SLC22A25: variants seen among roughly 807,000 people sequenced by gnomAD.
The protein encoded by SLC22A25 is solute carrier family 22 member 25.
In SLC22A25, 44 loss-of-function variants were observed where a neutral mutation model predicts 45.9. The observed-to-expected ratio is 0.96, with a 90% CI of 0.75 to 1.23. The LOEUF is 1.23. Among genes scored for constraint, SLC22A25 ranks in the 50% most tolerant of loss-of-function variants. The pLI is 0.00. For missense variants in SLC22A25, 800 were observed against 666.4 expected, an observed-to-expected ratio of 1.20 and a Z score of -2.21; for synonymous variants, 283 against 238.6, an observed-to-expected ratio of 1.19 and a Z score of -1.72.
intron 7 of SLC22A25, among the ~76,000 whole-genome samples, chr11:63,203,229 C>G (rs1262047087): frequency 2.6e-5 from 4 of 152,020 alleles, no homozygotes; most frequent in African/African-American, 9.7e-5. Context: ...GCTGAAAATT[C>G]CAAAACCAAG....
At chr11:63,197,478 C>G (rs1002724042) in intron 7 of SLC22A25, among the ~76,000 whole-genome samples, 7 of 152,018 alleles carry the variant, frequency 4.6e-5, no homozygotes, top group African/African-American at 1.7e-4. Flanking sequence ...TGATCTTTGA[C>G]AAACCTGGCA....
intron 9 of SLC22A25, 32 bp downstream of exon 9, chr11:63,180,628 T>C (rs1425944190): frequency 4.8e-6 from 7 of 1,472,962 alleles, no homozygotes; most frequent in Non-Finnish European, 6.5e-6. Flanking sequence ...CTCCTCTATT[T>C]TAACATTCCT....
intron 5 of SLC22A25, among the ~76,000 whole-genome samples, chr11:63,222,573 A>G (rs1027540174): frequency 6.6e-6 from 1 of 152,082 alleles, no homozygotes; most frequent in African/African-American, 2.4e-5. Context: ...GCAAACAAGG[A>G]TAATTTGACT....
At chr11:63,178,184 C>T (rs1216394326) in intron 9 of SLC22A25, among the ~76,000 whole-genome samples, 2 of 151,950 alleles carry the variant, frequency 1.3e-5, no homozygotes, top group Non-Finnish European at 2.9e-5. Context: ...GGCCACCACG[C>T]CCTGCCAATA....
At chr11:63,195,604 A>C (rs2088993915) in intron 7 of SLC22A25, among the ~76,000 whole-genome samples, 1 of 152,240 alleles carries the variant, frequency 6.6e-6, no homozygotes, top group Non-Finnish European at 1.5e-5. Context: ...CATTCAAAGC[A>C]GTGTGTAGAG....
At chr11:63,218,867 T>C (rs542422784) in intron 5 of SLC22A25, among the ~76,000 whole-genome samples, 7 of 152,346 alleles carry the variant, frequency 4.6e-5, no homozygotes, top group African/African-American at 1.4e-4. Context: ...TTTGTTACTG[T>C]ATTGAAGGTC....
chr11:63,215,153 T>C (rs2089677856), intron 7 of SLC22A25, among the ~76,000 whole-genome samples: 1 of 152,156 alleles, frequency 6.6e-6, no homozygotes, highest in African/African-American at 2.4e-5. Context: ...TGCAGAACTA[T>C]TCACAATAGC....
chr11:63,215,571 T>C (rs534185065), intron 7 of SLC22A25, among the ~76,000 whole-genome samples: 122 of 152,274 alleles, frequency 8.0e-4, no homozygotes, highest in African/African-American at 2.9e-3. Flanking sequence ...TTCCAGAACT[T>C]AGAGTATAAT....
chr11:63,187,673 C>A (rs10897386), intron 7 of SLC22A25, among the ~76,000 whole-genome samples: 55,353 of 151,970 alleles, frequency 0.36, 10,396 homozygotes, highest in East Asian at 0.56. Flanking sequence ...ATGATATTGG[C>A]TGTGGGTTTG....
chr11:63,177,379 TG>T (rs1565070082), intron 9 of SLC22A25, among the ~76,000 whole-genome samples: 2 of 149,580 alleles, frequency 1.3e-5, no homozygotes, highest in Admixed American at 1.3e-4. Context: ...TGTGTGTGTG[TG>T]TGTGTCGAGA....
At chr11:63,230,296 G>A (rs1310496094) in intron 3 of SLC22A25, among the ~76,000 whole-genome samples, 200 bp from the exon 4 acceptor site, 7 of 152,164 alleles carry the variant, frequency 4.6e-5, no homozygotes, top group Non-Finnish European at 1.0e-4. Context: ...GGGAGAGTGG[G>A]TAGTGATAAG....
rs555359845 is a variant in SLC22A25 at position 63,231,407 on chromosome 11, A to G, written c.-444-1311T>C. On this transcript the variant is annotated intron_variant, in intron 3 of 11. Coordinates refer to ENST00000306494, the MANE Select transcript of SLC22A25 (RefSeq NM_199352.6). Reference sequence around the variant, plus strand: ...TGCATTTCTCTGATGGCCAGTGGTGATGAGCATTTTTTCATGTGTCTTTTG... The same window carrying G: ...TGCATTTCTCTGATGGCCAGTGGTGGTGAGCATTTTTTCATGTGTCTTTTG... Among the ~76,000 whole-genome samples, 23 of 152,272 alleles carry G rather than the reference A, an allele frequency of 1.5e-4. 1 individual carries two copies. The South Asian group carries it at 4.8e-3, about 32-fold the overall frequency.
Position 63,217,578 on chromosome 11 carries a change from T to G in SLC22A25, c.661+3A>C. 2 of 1,612,110 alleles carry G rather than the reference T, an allele frequency of 1.2e-6. No individual in the cohort carries two copies. Among genetic ancestry groups the G allele is most frequent in the Non-Finnish European group, 8.5e-7 (1 of 1,179,030 alleles). On this transcript the variant is annotated splice_donor_region_variant and intron_variant, in intron 6 of 11. Transcript: ENST00000306494. ...AAAATGTGGATCGAAAATATTGACT[T>G]ACTTAACAAAACAGTATTTACAATG...
chr11:63,237,131 G>T (rs543535655), intron 3 of SLC22A25, among the ~76,000 whole-genome samples: 2 of 152,288 alleles, frequency 1.3e-5, no homozygotes, highest in South Asian at 4.1e-4. Context: ...GTAAGTCGGA[G>T]CTAAACATTG....
intron 5 of SLC22A25, among the ~76,000 whole-genome samples, chr11:63,223,200 C>T (rs535036972): frequency 6.6e-6 from 1 of 151,894 alleles, no homozygotes; most frequent in East Asian, 1.9e-4. Context: ...GATTGGGATT[C>T]GTATGACTTC....
chr11:63,177,836 TGTGTATATATATATA>T (rs2134727456), intron 9 of SLC22A25, among the ~76,000 whole-genome samples: 1 of 59,972 alleles, frequency 1.7e-5, no homozygotes, highest in African/African-American at 5.5e-5. Flanking sequence ...ATATATATAA[TGTGTATATATATATA>T]ATGTATATAT....
chr11:63,176,870 G>A (rs111361220), intron 9 of SLC22A25, among the ~76,000 whole-genome samples: 1,941 of 151,996 alleles, frequency 0.013, 22 homozygotes, highest in African/African-American at 0.032. Context: ...ATATGCTCTC[G>A]TGTTGCTCAT....
chr11:63,177,208 A>AT (rs1212882772), intron 9 of SLC22A25, among the ~76,000 whole-genome samples: 1 of 151,582 alleles, frequency 6.6e-6, no homozygotes, highest in African/African-American at 2.4e-5. Flanking sequence ...CTAGATGTGA[A>AT]TTTTTTAAAT....
At chr11:63,226,606 C>T (rs187121026) in intron 5 of SLC22A25, among the ~76,000 whole-genome samples, 27 of 152,362 alleles carry the variant, frequency 1.8e-4, no homozygotes, top group African/African-American at 6.0e-4. Flanking sequence ...GACAGCATAG[C>T]ACTGGGTCTT....
Sources: gnomAD v4.1 joint callset for allele counts (sites outside exome capture counted in the v4.1 genomes callset) on GRCh38, gnomAD v4.1.1 for gene constraint, MANE v1.5 for transcripts, NCBI Gene and HGNC (gene_info 2026-07-23, HGNC 2026-07-21) for gene names.